NYAP2: variants seen among roughly 807,000 people sequenced by gnomAD.
NYAP2 encodes neuronal tyrosine-phosphorylated phosphoinositide-3-kinase adapter 2.
Under a neutral mutation model 50.4 loss-of-function variants are expected in NYAP2, and 23 were observed. That is an observed-to-expected ratio of 0.46 (90% CI 0.33 to 0.65). The LOEUF (loss-of-function observed/expected upper bound fraction) is 0.65, where lower values mean the gene tolerates loss of function less well. Among genes scored for constraint, NYAP2 ranks in the 30% least tolerant of loss-of-function variants. The pLI, the probability that NYAP2 is intolerant of heterozygous loss-of-function variation, is 0.02. For missense variants in NYAP2, 885 were observed against 861.0 expected (o/e 1.03, Z -0.35); for synonymous variants, 394 against 365.2 (o/e 1.08, Z -0.90).
Position 225,582,201 on chromosome 2 carries a change from G to A in NYAP2, c.784G>A (p.Asp262Asn). The A allele has an allele frequency of 2.5e-6, 4 of 1,614,050 alleles. No individual in the cohort carries two copies. The highest frequency in any genetic ancestry group is 1.1e-5 in the South Asian group (1 of 91,080). Residue 262 changes from aspartate to asparagine, a missense_variant, in exon 5 of 7, where the codon GAC becomes AAC. Physicochemically the swap from Asp to Asn is conservative, Grantham distance 23. Coordinates refer to ENST00000636099, the Ensembl canonical transcript of NYAP2. The surrounding 1 kb of genome is among the most constrained non-coding windows in gnomAD (Gnocchi z 7.0). ...CAGAGACTTCAGGAAGGAGGACGAT[G>A]ACCAGAGCGAGGCCGTCTACGAGGA...
At chr2:225,583,969 G>A (rs1270954570) in intron 5 of NYAP2, among the ~76,000 whole-genome samples, 3 of 152,124 alleles carry the variant, frequency 2.0e-5, no homozygotes, top group African/African-American at 7.2e-5. Flanking sequence ...GCGAACCCGG[G>A]AGGCAGAGCT....
chr2:225,588,449 G>T, intron 5 of NYAP2, among the ~76,000 whole-genome samples: 1 of 151,896 alleles, frequency 6.6e-6, no homozygotes, highest in East Asian at 1.9e-4. Context: ...GGACATACAG[G>T]CCCACATACC....
At position 225,601,385 on chromosome 2, in the gene NYAP2, C is replaced by A. The variant is rs1692688451; in HGVS notation, c.1618+18350C>A. 3.3e-5 allele frequency among the ~76,000 whole-genome samples: 5 copies of A among 152,094 alleles called. 1 individual carries two copies. The South Asian group carries it at 1.0e-3, about 32-fold the overall frequency. On this transcript the variant is annotated intron_variant, in intron 5 of 6. Transcript: ENST00000636099. ...TCGATCTCTTGACCTCGTGATCCATCCTCCCGGCCTCCCAAAATGCTGGGA... is the reference window on the plus strand; with the variant it reads ...TCGATCTCTTGACCTCGTGATCCATACTCCCGGCCTCCCAAAATGCTGGGA...
At chr2:225,550,024 A>G (rs1336822795) in intron 4 of NYAP2, among the ~76,000 whole-genome samples, 2 of 151,584 alleles carry the variant, frequency 1.3e-5, no homozygotes, top group Non-Finnish European at 2.9e-5. Flanking sequence ...ATAGAGAGAG[A>G]GAAAAAAAAA....
chr2:225,410,614 T>A lies in NYAP2; in HGVS notation c.221+1513T>A, dbSNP rs186285325. 1.1e-4 allele frequency among the ~76,000 whole-genome samples: 16 copies of A among 152,238 alleles called. No homozygotes were observed. The East Asian group carries it at 2.5e-3, about 24-fold the overall frequency. On this transcript the variant is annotated intron_variant, in intron 3 of 6. Coordinates refer to ENST00000636099, the Ensembl canonical transcript of NYAP2. ...GCATTAAAACTCAATAATAAATCCT[T>A]TTCTATAAGCATATAAATAAAATTA...
intron 3 of NYAP2, among the ~76,000 whole-genome samples, chr2:225,505,003 G>T (rs916145716): frequency 7.5e-6 from 1 of 132,878 alleles, no homozygotes; most frequent in South Asian, 2.9e-4. Flanking sequence ...GCAAGACTGC[G>T]TCTCGAAAAA....
intron 3 of NYAP2, among the ~76,000 whole-genome samples, chr2:225,511,449 A>C (rs1355500535): frequency 1.3e-5 from 2 of 152,020 alleles, no homozygotes; most frequent in Non-Finnish European, 2.9e-5. Context: ...TATGATGTCA[A>C]CACTGCCCCT....
At chr2:225,441,649 C>A (rs568368868) in intron 3 of NYAP2, among the ~76,000 whole-genome samples, 1 of 152,116 alleles carries the variant, frequency 6.6e-6, no homozygotes, top group South Asian at 2.1e-4. Flanking sequence ...GGAATCTGCC[C>A]CTTTTAAGCC....
intron 3 of NYAP2, among the ~76,000 whole-genome samples, chr2:225,468,584 G>C (rs1559188094): frequency 6.6e-6 from 1 of 152,202 alleles, no homozygotes; most frequent in East Asian, 1.9e-4. Flanking sequence ...CAGATTAAGA[G>C]TGTGATTCAA....
At chr2:225,460,992 C>CAAAA (rs869283101) in intron 3 of NYAP2, among the ~76,000 whole-genome samples, 12 of 43,038 alleles carry the variant, frequency 2.8e-4, no homozygotes, top group African/African-American at 4.8e-4. Flanking sequence ...GACTCTGTCT[C>CAAAA]AAAAAAAAAA....
chr2:225,457,572 A>G (rs1198835598), intron 3 of NYAP2, among the ~76,000 whole-genome samples: 1 of 152,240 alleles, frequency 6.6e-6, no homozygotes. Flanking sequence ...CAAGGAACAG[A>G]GTAACATCTT....
the NYAP2 span, among the ~76,000 whole-genome samples, chr2:225,663,762 T>G: frequency 6.6e-6 from 1 of 152,138 alleles, no homozygotes; most frequent in Non-Finnish European, 1.5e-5. Flanking sequence ...TTCACCATGT[T>G]GGCCAGGATG....
chr2:225,444,245 C>A (rs1689516519), intron 3 of NYAP2, among the ~76,000 whole-genome samples: 1 of 104,900 alleles, frequency 9.5e-6, no homozygotes. Flanking sequence ...AGAAACTTAA[C>A]ATATATGGTC....
Position 225,614,915 on chromosome 2 carries a change from G to A in NYAP2, c.1619-12002G>A, listed in dbSNP as rs572713098. Among the ~76,000 whole-genome samples the A allele has an allele frequency of 3.9e-5, 6 of 152,252 alleles. No homozygotes were observed. In the South Asian group the frequency reaches 8.3e-4, roughly 21 times the overall value. ...TCACAGGCCGTGATTTTTGTCACAG[G>A]CAAAGTGGAAACCAATTAGTGAATT... On this transcript the variant is annotated intron_variant, in intron 5 of 6. Coordinates refer to ENST00000636099, the Ensembl canonical transcript of NYAP2.
chr2:225,440,979 C>T (rs976296073), intron 3 of NYAP2, among the ~76,000 whole-genome samples: 8 of 152,180 alleles, frequency 5.3e-5, no homozygotes, highest in African/African-American at 1.4e-4. Context: ...CCTTGGTGAT[C>T]ACTGCTGCTC....
chr2:225,517,972 G>T (rs1288801479), intron 4 of NYAP2, among the ~76,000 whole-genome samples: 1 of 152,020 alleles, frequency 6.6e-6, no homozygotes, highest in Non-Finnish European at 1.5e-5. Context: ...CCCACTACTG[G>T]ATACACTTCC....
the NYAP2 span, among the ~76,000 whole-genome samples, chr2:225,688,370 C>T: frequency 6.6e-6 from 1 of 152,152 alleles, no homozygotes. Context: ...TGAAAATACT[C>T]AGAAAATGTT....
intron 3 of NYAP2, among the ~76,000 whole-genome samples, chr2:225,445,560 A>G (rs1338140756): frequency 6.6e-6 from 1 of 152,144 alleles, no homozygotes; most frequent in African/African-American, 2.4e-5. Context: ...ACTGAATTTT[A>G]TGTATATTGG....
downstream of NYAP2, among the ~76,000 whole-genome samples, chr2:225,658,611 A>G (rs1235510048): frequency 1.3e-5 from 2 of 152,208 alleles, no homozygotes; most frequent in African/African-American, 4.8e-5. Context: ...CAAAAAATAT[A>G]TAAAAAGCAT....
Sources: allele counts gnomAD v4.1 joint callset (sites outside exome capture counted in the v4.1 genomes callset), GRCh38; gene constraint gnomAD v4.1.1; non-coding constraint Gnocchi (gnomAD v3.1); transcripts MANE v1.5; gene names NCBI Gene and HGNC (gene_info 2026-07-23, HGNC 2026-07-21).